LINGO2: variants seen among roughly 807,000 people sequenced by gnomAD.
The protein encoded by LINGO2 is leucine-rich repeat and immunoglobulin-like domain-containing nogo receptor-interacting protein 2.
Under a neutral mutation model 30.6 loss-of-function variants are expected in LINGO2, and 14 were observed. That is an observed-to-expected ratio of 0.46 (90% CI 0.30 to 0.72). LINGO2 has a LOEUF of 0.72. LINGO2 is among the 30% of genes least tolerant of loss of function. The pLI, the probability that LINGO2 is intolerant of heterozygous loss-of-function variation, is 0.07. For missense variants in LINGO2, 729 were observed against 751.7 expected (o/e 0.97, Z 0.35); for synonymous variants, 317 against 288.5 (o/e 1.10, Z -1.00).
chr9:28,244,897 T>C (rs901661062), intron 4 of LINGO2, among the ~76,000 whole-genome samples: 1 of 151,640 alleles, frequency 6.6e-6, no homozygotes, highest in Non-Finnish European at 1.5e-5. Flanking sequence ...CTGGTACCAT[T>C]CCTTCAGAAA....
the LINGO2 span, among the ~76,000 whole-genome samples, chr9:28,858,349 C>A: frequency 1.3e-5 from 2 of 152,004 alleles, no homozygotes; most frequent in Admixed American, 6.6e-5. Context: ...TCAAATTATG[C>A]AATCCCATCA....
the LINGO2 span, among the ~76,000 whole-genome samples, chr9:29,211,620 C>T: frequency 2.0e-5 from 3 of 151,820 alleles, no homozygotes; most frequent in Non-Finnish European, 4.4e-5. Flanking sequence ...AGTATTTCAG[C>T]AGCTTTCCTC....
At chr9:29,079,013 G>A in the LINGO2 span, among the ~76,000 whole-genome samples, 1 of 151,824 alleles carries the variant, frequency 6.6e-6, no homozygotes, top group Non-Finnish European at 1.5e-5. Context: ...TTTTACAAAT[G>A]ACCTTGTTAC....
At chr9:28,240,853 C>A (rs1398654259) in intron 4 of LINGO2, among the ~76,000 whole-genome samples, 1 of 151,952 alleles carries the variant, frequency 6.6e-6, no homozygotes, top group Non-Finnish European at 1.5e-5. Context: ...GTTTAAAAAG[C>A]ACAGTAAAGA....
At chr9:28,987,241 G>A in the LINGO2 span, among the ~76,000 whole-genome samples, 7 of 151,626 alleles carry the variant, frequency 4.6e-5, no homozygotes, top group Admixed American at 3.3e-4. Context: ...TGGTCTGTTC[G>A]TATTTGCTAT....
In LINGO2 at chr9:28,281,727, T is replaced by C. The variant is rs80312323; in HGVS notation, c.-87+13481A>G. Among the ~76,000 whole-genome samples, 258 of 152,212 alleles carry C rather than the reference T, an allele frequency of 1.7e-3. 1 individual carries two copies. The highest frequency in any genetic ancestry group is 5.8e-3 in the African/African-American group (242 of 41,574). On this transcript the variant is annotated intron_variant, in intron 4 of 5. Coordinates refer to ENST00000379992, the Ensembl canonical transcript of LINGO2. ...TATCACAAATACACTATGTTACTGA[T>C]TGAATCACACTGTCCTAAGGCTAAT...
chr9:28,767,176 G>A, the LINGO2 span, among the ~76,000 whole-genome samples: 2 of 152,140 alleles, frequency 1.3e-5, no homozygotes, highest in Non-Finnish European at 2.9e-5. Context: ...TGTACAGCAT[G>A]ATGAGTATAA....
chr9:28,363,147 TAGAGATTAGAAGC>T (rs1261551147), intron 3 of LINGO2, among the ~76,000 whole-genome samples: 1 of 152,196 alleles, frequency 6.6e-6, no homozygotes, highest in African/African-American at 2.4e-5. Flanking sequence ...AACTCAAGTT[TAGAGATTAGAAGC>T]GTCTCTTCCA....
At chr9:28,370,969 C>A (rs1935638680) in intron 3 of LINGO2, among the ~76,000 whole-genome samples, 1 of 152,094 alleles carries the variant, frequency 6.6e-6, no homozygotes, top group Admixed American at 6.6e-5. Flanking sequence ...ATGAGTATAC[C>A]TACAGTGGCT....
At chr9:28,681,274 T>C in the LINGO2 span, among the ~76,000 whole-genome samples, 1 of 152,032 alleles carries the variant, frequency 6.6e-6, no homozygotes, top group African/African-American at 2.4e-5. Context: ...CTATGCCAGA[T>C]GCACTAGAAA....
At chr9:28,741,249 C>G in the LINGO2 span, among the ~76,000 whole-genome samples, 1 of 151,924 alleles carries the variant, frequency 6.6e-6, no homozygotes, top group Non-Finnish European at 1.5e-5. Flanking sequence ...ATCCTATGTC[C>G]ATAGGTGCCA....
the LINGO2 span, among the ~76,000 whole-genome samples, chr9:28,778,129 T>C: frequency 1.3e-5 from 2 of 152,188 alleles, no homozygotes; most frequent in Non-Finnish European, 2.9e-5. Context: ...CTCCACACTT[T>C]TGACTCCTAC....
intron 1 of LINGO2, among the ~76,000 whole-genome samples, chr9:28,580,900 G>C (rs1034590751): frequency 2.6e-5 from 4 of 151,900 alleles, no homozygotes; most frequent in African/African-American, 7.2e-5. Flanking sequence ...TGGAGTGACA[G>C]TTGAACCTTT....
At chr9:29,182,490 T>G in the LINGO2 span, among the ~76,000 whole-genome samples, 1 of 152,134 alleles carries the variant, frequency 6.6e-6, no homozygotes, top group Non-Finnish European at 1.5e-5. Context: ...ACTACAGATG[T>G]TAAAACTGGC....
chr9:28,316,287 A>G (rs1824842997), intron 3 of LINGO2, among the ~76,000 whole-genome samples: 1 of 152,044 alleles, frequency 6.6e-6, no homozygotes, highest in African/African-American at 2.4e-5. Context: ...TAGTGAGGAG[A>G]TATGTATTTC....
the LINGO2 span, among the ~76,000 whole-genome samples, chr9:28,872,295 T>G: frequency 6.6e-6 from 1 of 152,038 alleles, no homozygotes; most frequent in African/African-American, 2.4e-5. Context: ...AAATGGACAT[T>G]TACAGGAAAA....
downstream of LINGO2, chr9:27,943,392 T>C (rs1039272449): frequency 6.6e-6 from 1 of 152,216 alleles, no homozygotes; most frequent in African/African-American, 2.4e-5. Context: ...GGTAAAGTCT[T>C]CTTTAAAATG....
the LINGO2 span, among the ~76,000 whole-genome samples, chr9:28,992,236 C>G: frequency 3.3e-5 from 5 of 151,734 alleles, no homozygotes; most frequent in Non-Finnish European, 5.9e-5. Context: ...ATAAAACAGA[C>G]TTTAAACCAA....
chr9:29,042,336 T>C, the LINGO2 span, among the ~76,000 whole-genome samples: 4 of 151,980 alleles, frequency 2.6e-5, no homozygotes, highest in African/African-American at 9.7e-5. Flanking sequence ...GAAATTGCAC[T>C]CTTGCACATT....
Sources: gnomAD v4.1 joint callset for allele counts (sites outside exome capture counted in the v4.1 genomes callset) on GRCh38, gnomAD v4.1.1 for gene constraint, MANE v1.5 for transcripts, NCBI Gene and HGNC (gene_info 2026-07-23, HGNC 2026-07-21) for gene names.